Variants in HNRNPA1 observed in about 807,000 individuals in gnomAD.
The protein encoded by HNRNPA1 is heterogeneous nuclear ribonucleoprotein A1.
Under a neutral mutation model 44.4 loss-of-function variants are expected in HNRNPA1, and 7 were observed. That is an observed-to-expected ratio of 0.16 (90% CI 0.09 to 0.30). The LOEUF (loss-of-function observed/expected upper bound fraction) is 0.30. Ranked by LOEUF, HNRNPA1 falls within the 10% of genes least tolerant of loss-of-function variation. The pLI is 1.00. For missense variants in HNRNPA1, 193 were observed against 465.8 expected (o/e 0.41, Z 5.39); for synonymous variants, 169 against 160.6 (o/e 1.05, Z -0.40).
chr12:54,283,972 G>C lies in HNRNPA1; in HGVS notation c.1063+5G>C, dbSNP rs1266257696. The C allele has an allele frequency of 6.2e-7, 1 of 1,604,608 alleles. No individual in the cohort carries two copies. Among genetic ancestry groups the C allele is most frequent in the East Asian group, 2.2e-5 (1 of 44,876 alleles). ...TTGCAAAACCACGAAACCAAGGTAT[G>C]GTATCTATGTAATTTTGGATAATGT... On this transcript the variant is annotated splice_donor_5th_base_variant and intron_variant, in intron 9 of 10. Transcript: ENST00000340913.
At chr12:54,281,044 G>A (rs1377428943) in intron 1 of HNRNPA1, 4 of 709,086 alleles carry the variant, frequency 5.6e-6, no homozygotes, top group Admixed American at 2.0e-5. Flanking sequence ...GTTACTCGTA[G>A]CAAAATTCTT....
chr12:54,283,290 C>T, intron 8 of HNRNPA1, 56 bp downstream of exon 8: 2 of 1,577,192 alleles, frequency 1.3e-6, no homozygotes, highest in Non-Finnish European at 8.6e-7. Flanking sequence ...CCTTTTAGAG[C>T]TTGGGTTCTG....
In HNRNPA1 at chr12:54,284,975, A is replaced by G. The variant is rs1202998470; in HGVS notation, c.*431A>G. On this transcript the variant is annotated 3_prime_UTR_variant, in exon 11 of 11. Coordinates refer to ENST00000340913, the MANE Select transcript of HNRNPA1 (RefSeq NM_031157.4). ...TTCCTTCAGGGTGATGCCAGGTTCT[A>G]TTTGGAATTTATATACAACCTGCTT... 4.7e-6 allele frequency: 1 copy of G among 212,664 alleles called. No individual in the cohort carries two copies. Among genetic ancestry groups the G allele is most frequent in the Non-Finnish European group, 9.7e-6 (1 of 103,084 alleles). The allele number at this position is 212,664 out of a possible 1,614,324, so 13.2% of individuals were successfully genotyped here. A position where few individuals can be genotyped will look rare whatever the true frequency, so the allele number is the denominator to read the frequency against.
In HNRNPA1 at chr12:54,286,392, T is replaced by C. The variant is rs1333611311; in HGVS notation, c.*1848T>C. 6.6e-6 allele frequency: 1 copy of C among 152,238 alleles called. No individual in the cohort carries two copies. The highest frequency in any genetic ancestry group is 1.9e-4 in the East Asian group (1 of 5,204). The allele number at this position is 152,238 out of a possible 1,614,324, so 9.4% of individuals were successfully genotyped here. On this transcript the variant is annotated 3_prime_UTR_variant, in exon 11 of 11. Transcript: ENST00000340913. ...CAAAACTAGTCCAGTTAAGCTGAAC[T>C]TGGTTTTTCTGGAGATGAATTGTTT...
At chr12:54,283,989 G>A (rs1944223364) in intron 9 of HNRNPA1, 22 bp downstream of exon 9, 1 of 1,602,892 alleles carries the variant, frequency 6.2e-7, no homozygotes, top group South Asian at 1.1e-5. Flanking sequence ...ATGTAATTTT[G>A]GATAATGTCA....
At position 54,284,067 on chromosome 12, in the gene HNRNPA1, T is replaced by C; in HGVS notation, c.1063+100T>C. 28 of 1,424,598 alleles carry C rather than the reference T, an allele frequency of 2.0e-5. No individual in the cohort carries two copies. In the South Asian group the frequency reaches 3.5e-4, roughly 18 times the overall value. The allele number at this position is 1,424,598 out of a possible 1,614,324, so 88.2% of individuals were successfully genotyped here. On this transcript the variant is annotated intron_variant, in intron 9 of 10. Transcript: ENST00000340913. ...TGCTATGTCTGGGCAGCAAAACGTT[T>C]ATAGTTTAGAACCTTCAGAAAGTGA...
In HNRNPA1 at chr12:54,282,890, A is replaced by T. The variant is rs1485898801; in HGVS notation, c.751+16A>T. On this transcript the variant is annotated intron_variant, in intron 7 of 10. Transcript: ENST00000340913. ...GGTAATGATGGTAAGTTTTTTAGGAATAAGTAGAGAAAAATTCCTGGCAAC... is the reference window on the plus strand; with the variant it reads ...GGTAATGATGGTAAGTTTTTTAGGATTAAGTAGAGAAAAATTCCTGGCAAC... 1.9e-6 allele frequency: 3 copies of T among 1,543,840 alleles called. No homozygotes were observed. The highest frequency in any genetic ancestry group is 2.0e-5 in the Admixed American group (1 of 49,986).
At position 54,283,809 on chromosome 12, in the gene HNRNPA1, T is replaced by C. The variant is rs1332015232; in HGVS notation, c.908-3T>C. 7 of 1,613,708 alleles carry C rather than the reference T, an allele frequency of 4.3e-6. No homozygotes were observed. The South Asian group carries it at 7.7e-5, about 18-fold the overall frequency. ...AGATAAAGGCCCTCTTTCCCATTCATAGGAAGCAATTTTGGAGGTGGTGGA... is the reference window on the plus strand; with the variant it reads ...AGATAAAGGCCCTCTTTCCCATTCACAGGAAGCAATTTTGGAGGTGGTGGA... On this transcript the variant is annotated splice_polypyrimidine_tract_variant and splice_region_variant and intron_variant, in intron 8 of 10. Coordinates refer to ENST00000340913, the MANE Select transcript of HNRNPA1 (RefSeq NM_031157.4).
chr12:54,281,665 A>G, intron 2 of HNRNPA1, 130 bp from the exon 3 acceptor site: 2 of 1,073,916 alleles, frequency 1.9e-6, no homozygotes, highest in Non-Finnish European at 2.7e-6. Flanking sequence ...TCTTAAATCT[A>G]GGGTAGTGGG....
chr12:54,286,883 G>A lies in HNRNPA1; in HGVS notation c.*2339G>A, dbSNP rs1028639456. On this transcript the variant is annotated 3_prime_UTR_variant, in exon 11 of 11. Coordinates refer to ENST00000340913, the MANE Select transcript of HNRNPA1 (RefSeq NM_031157.4). ...CAACCAGGTATTCCCAGTAGTGACA[G>A]TGGATATAACTGTGTAGTCATTCAC... is the stretch of plus-strand genomic sequence containing the variant. 6.6e-6 allele frequency: 1 copy of A among 152,228 alleles called. No individual in the cohort carries two copies. Among genetic ancestry groups the A allele is most frequent in the Admixed American group, 6.5e-5 (1 of 15,286 alleles). The allele number at this position is 152,228 out of a possible 1,614,324, so 9.4% of individuals were successfully genotyped here.
intron 1 of HNRNPA1, 160 bp from the exon 2 acceptor site, chr12:54,281,226 C>T: frequency 2.8e-6 from 2 of 709,668 alleles, no homozygotes; most frequent in Non-Finnish European, 5.2e-6. Context: ...CTCCCAACTC[C>T]AGCATACGGC....
chr12:54,283,591 CT>C, intron 8 of HNRNPA1: 1 of 606,760 alleles, frequency 1.6e-6, no homozygotes. Flanking sequence ...CTGAAAATCT[CT>C]TTATTTTATG....
intron 10 of HNRNPA1, 97 bp downstream of exon 10, chr12:54,284,414 T>A: frequency 1.8e-6 from 2 of 1,083,186 alleles, no homozygotes; most frequent in Non-Finnish European, 2.8e-6. Context: ...TAGTTAACAT[T>A]ATAATTGCAG....
Position 54,286,663 on chromosome 12 carries a change from G to A in HNRNPA1, c.*2119G>A, listed in dbSNP as rs1344504995. The A allele has an allele frequency of 6.6e-6, 1 of 152,140 alleles. No individual in the cohort carries two copies. The highest frequency in any genetic ancestry group is 1.5e-5 in the Non-Finnish European group (1 of 68,036). 9.4% of individuals were successfully genotyped at this position (152,140 alleles called of 1,614,324 possible). On this transcript the variant is annotated 3_prime_UTR_variant, in exon 11 of 11. Coordinates refer to ENST00000340913, the MANE Select transcript of HNRNPA1 (RefSeq NM_031157.4). ...TCTAAAGGTTGTTTACTTTTCTAGG[G>A]AGGAGTCTGCTACTAGTCTTATCAG...
At chr12:54,284,227 GA>G (rs751507132) in intron 9 of HNRNPA1, 30 bp from the exon 10 acceptor site, 4 of 1,607,638 alleles carry the variant, frequency 2.5e-6, no homozygotes, top group Middle Eastern at 1.7e-4. Context: ...TTGGCACTTT[GA>G]AACTTTAAAA....
chr12:54,283,698 T>G, intron 8 of HNRNPA1, 114 bp from the exon 9 acceptor site: 1 of 1,004,442 alleles, frequency 1.0e-6, no homozygotes, highest in East Asian at 2.4e-5. Context: ...GTCACCATAG[T>G]TTGGGAGAAA....
chr12:54,282,306 T>C lies in HNRNPA1; in HGVS notation c.490+6T>C, dbSNP rs1176028972. 6.2e-7 allele frequency: 1 copy of C among 1,613,708 alleles called. No individual in the cohort carries two copies. The highest frequency in any genetic ancestry group is 1.1e-5 in the South Asian group (1 of 91,076). The stretch of plus-strand genomic sequence containing the variant: ...CTCCGTGGATAAGATTGTCAGTAAG[T>C]ATCAGATAGTGGCATTTAGTAAGGG... On this transcript the variant is annotated splice_donor_region_variant and intron_variant, in intron 4 of 10. Transcript: ENST00000340913.
intron 7 of HNRNPA1, 50 bp downstream of exon 7, chr12:54,282,924 TTAGAA>T (rs1345728562): frequency 5.3e-6 from 8 of 1,506,142 alleles, no homozygotes; most frequent in African/African-American, 1.4e-5. Context: ...ACCTGGATCT[TTAGAA>T]TAGGTTAGTA....
At chr12:54,284,128 C>T in intron 9 of HNRNPA1, 130 bp from the exon 10 acceptor site, 8 of 1,246,986 alleles carry the variant, frequency 6.4e-6, no homozygotes, top group Middle Eastern at 1.9e-4. Context: ...CATGGGACCT[C>T]TTTACCACCT....
Sources: allele counts gnomAD v4.1 joint callset, GRCh38; gene constraint gnomAD v4.1.1; transcripts MANE v1.5; gene names NCBI Gene and HGNC (gene_info 2026-07-23, HGNC 2026-07-21).